EVC2: variants seen among roughly 807,000 people sequenced by gnomAD.
The protein encoded by EVC2 is limbin.
EVC2 carries 148 observed loss-of-function variants against 149.3 expected under a neutral mutation model. The observed-to-expected ratio is 0.99, with a 90% CI of 0.87 to 1.14. EVC2 has a LOEUF of 1.14. EVC2 is among the 50% of genes most tolerant of loss of function. The pLI is 0.00. For missense variants in EVC2, 1,854 were observed against 1,627.3 expected, an observed-to-expected ratio of 1.14 and a Z score of -2.40; for synonymous variants, 776 against 649.9, an observed-to-expected ratio of 1.19 and a Z score of -2.95.
chr4:5,617,760 A>C (rs1044070827), intron 15 of EVC2, among the ~76,000 whole-genome samples: 1 of 152,164 alleles, frequency 6.6e-6, no homozygotes, highest in Non-Finnish European at 1.5e-5. Context: ...CGAAGGCCTT[A>C]TCTTATGTTG....
At chr4:5,654,271 G>C (rs548264331) in intron 9 of EVC2, among the ~76,000 whole-genome samples, 2 of 151,218 alleles carry the variant, frequency 1.3e-5, no homozygotes, top group African/African-American at 4.8e-5. Flanking sequence ...AGGAGGCCTG[G>C]AGTGAGGCCT....
At chr4:5,620,810 C>A (rs1488979006) in intron 14 of EVC2, among the ~76,000 whole-genome samples, 7 of 152,156 alleles carry the variant, frequency 4.6e-5, no homozygotes, top group African/African-American at 1.7e-4. Flanking sequence ...AAGAAAATGA[C>A]CAGCTGGTAA....
At chr4:5,558,408 A>C (rs1166703277), downstream of EVC2, among the ~76,000 whole-genome samples, 3 of 152,246 alleles carry the variant, frequency 2.0e-5, no homozygotes, top group Non-Finnish European at 4.4e-5. Flanking sequence ...GAAGTTGTTT[A>C]GGGTAGTAAA....
At chr4:5,620,026 G>T (rs1258196215) in intron 14 of EVC2, among the ~76,000 whole-genome samples, 1 of 152,186 alleles carries the variant, frequency 6.6e-6, no homozygotes, top group Non-Finnish European at 1.5e-5. Flanking sequence ...CTGTGGATCT[G>T]CTAGAAAGGT....
At chr4:5,586,431 CCA>C (rs1712285744) in intron 16 of EVC2, among the ~76,000 whole-genome samples, 2 of 152,116 alleles carry the variant, frequency 1.3e-5, no homozygotes, top group African/African-American at 4.8e-5. Flanking sequence ...TCTGAATGGA[CCA>C]CTCCTCTCAG....
At chr4:5,610,176 T>C (rs941932244) in intron 16 of EVC2, among the ~76,000 whole-genome samples, 1 of 152,176 alleles carries the variant, frequency 6.6e-6, no homozygotes, top group African/African-American at 2.4e-5. Flanking sequence ...CACTAGCATA[T>C]ATATGGACTA....
chr4:5,707,911 T>G, intron 1 of EVC2: 3 of 167,120 alleles, frequency 1.8e-5, no homozygotes, highest in Non-Finnish European at 3.8e-5. Flanking sequence ...GGGCTCTGCA[T>G]ATGTGAGCTC....
intron 17 of EVC2, among the ~76,000 whole-genome samples, chr4:5,577,368 T>A (rs1722994877): frequency 6.6e-6 from 1 of 152,036 alleles, no homozygotes. Flanking sequence ...CTTAGGTGGG[T>A]TGTGGGCGGA....
rs1426126418 is a variant in EVC2 at position 5,640,712 on chromosome 4, T to C, written c.1272A>G (p.Val424=). 1.2e-6 allele frequency: 2 copies of C among 1,614,192 alleles called. No individual in the cohort carries two copies. The highest frequency in any genetic ancestry group is 1.6e-4 in the Middle Eastern group (1 of 6,062). Residue 424 remains valine, a synonymous_variant, in exon 10 of 22, where the codon GTA becomes GTG. Coordinates refer to ENST00000344408, the MANE Select transcript of EVC2 (RefSeq NM_147127.5). The surrounding 1 kb of genome is among the most constrained non-coding windows in gnomAD (Gnocchi z 4.6). ...LTSSGHLSPQ[V]ERKMSAVFKK... ...TGAAAACAGCACTCATTTTTCTCTCTACTTGGGGTGAGAGGTGGCCACTGC... is the reference window on the plus strand; with the variant it reads ...TGAAAACAGCACTCATTTTTCTCTCCACTTGGGGTGAGAGGTGGCCACTGC...
chr4:5,573,248 G>C (rs1722737992), intron 19 of EVC2, among the ~76,000 whole-genome samples: 1 of 152,196 alleles, frequency 6.6e-6, no homozygotes, highest in African/African-American at 2.4e-5. Flanking sequence ...GCAAGTGGGA[G>C]TAAGGTCAGG....
At chr4:5,557,307 G>T (rs780668990) in intron 21 of EVC2, among the ~76,000 whole-genome samples, 8 of 152,052 alleles carry the variant, frequency 5.3e-5, no homozygotes, top group Non-Finnish European at 1.0e-4. Context: ...ACATCAACGG[G>T]CTAAAGAAAA....
intron 12 of EVC2, among the ~76,000 whole-genome samples, chr4:5,627,136 T>A (rs1318151531): frequency 1.3e-5 from 2 of 152,190 alleles, no homozygotes; most frequent in African/African-American, 4.8e-5. Flanking sequence ...ATTACCACTA[T>A]CATTCCTAGA....
intron 1 of EVC2, among the ~76,000 whole-genome samples, chr4:5,701,573 G>C (rs991633409): frequency 5.9e-5 from 9 of 152,110 alleles, no homozygotes; most frequent in African/African-American, 2.2e-4. Flanking sequence ...GGTTGCTCCA[G>C]GGCACTCTTT....
At chr4:5,594,349 C>A (rs1055579402) in intron 16 of EVC2, among the ~76,000 whole-genome samples, 1 of 152,166 alleles carries the variant, frequency 6.6e-6, no homozygotes, top group African/African-American at 2.4e-5. Context: ...ACACCTCACA[C>A]GGCCGGGTAC....
chr4:5,632,039 A>G lies in EVC2; in HGVS notation c.1471-7T>C, dbSNP rs150842594. 5.0e-4 allele frequency: 808 copies of G among 1,613,772 alleles called. 1 individual carries two copies. The African/African-American group carries it at 9.8e-3, about 20-fold the overall frequency. ...TGCTGCACTCTACAGCAGACTGGAG[A>G]GAGGAAAGGGAGAGCGTGAGAAACT... On this transcript the variant is annotated splice_region_variant and splice_polypyrimidine_tract_variant and intron_variant, in intron 10 of 21. Coordinates refer to ENST00000344408, the MANE Select transcript of EVC2 (RefSeq NM_147127.5).
chr4:5,584,119 A>G (rs537098503), intron 17 of EVC2, among the ~76,000 whole-genome samples: 4 of 152,164 alleles, frequency 2.6e-5, no homozygotes, highest in Admixed American at 1.3e-4. Flanking sequence ...ATAATAATAG[A>G]TAACAAATGA....
intron 16 of EVC2, among the ~76,000 whole-genome samples, chr4:5,596,482 C>A (rs1428807236): frequency 2.0e-5 from 3 of 152,074 alleles, no homozygotes; most frequent in Non-Finnish European, 4.4e-5. Context: ...GGGTACATAA[C>A]AAAATGAAGG....
intron 21 of EVC2, among the ~76,000 whole-genome samples, chr4:5,548,870 G>T: frequency 6.6e-6 from 1 of 152,164 alleles, no homozygotes; most frequent in East Asian, 1.9e-4. Context: ...GGGACAAGCA[G>T]TGCTAACATT....
chr4:5,699,447 G>A (rs1721686982), intron 1 of EVC2, among the ~76,000 whole-genome samples: 1 of 152,184 alleles, frequency 6.6e-6, no homozygotes, highest in South Asian at 2.1e-4. Context: ...GGGCATATAT[G>A]CAGAATAACT....
Sources: allele counts gnomAD v4.1 joint callset (sites outside exome capture counted in the v4.1 genomes callset), GRCh38; gene constraint gnomAD v4.1.1; non-coding constraint Gnocchi (gnomAD v3.1); transcripts MANE v1.5; gene names NCBI Gene and HGNC (gene_info 2026-07-23, HGNC 2026-07-21).